SCGB2A2: variants seen among roughly 807,000 people sequenced by gnomAD.
SCGB2A2 encodes secretoglobin family 2A member 2.
In SCGB2A2, 11 loss-of-function variants were observed where a neutral mutation model predicts 8.8. The ratio of observed to expected loss-of-function variants is 1.25; its 90% CI spans 0.79 to 2.07. The LOEUF is 2.07. Ranked by LOEUF, SCGB2A2 falls within the 30% of genes most tolerant of loss-of-function variation. The pLI is 0.00. For synonymous variants in SCGB2A2, 42 were observed against 40.9 expected, an observed-to-expected ratio of 1.03 and a Z score of -0.10; for missense variants, 113 against 109.9, an observed-to-expected ratio of 1.03 and a Z score of -0.13.
At chr11:62,270,748 A>G in intron 1 of SCGB2A2, 133 bp from the exon 2 acceptor site, 1 of 691,116 alleles carries the variant, frequency 1.4e-6, no homozygotes, top group South Asian at 2.1e-5. Flanking sequence ...CAGATTTGAG[A>G]ACTCTAGATT....
At chr11:62,271,157 C>G (rs1055841591) in intron 2 of SCGB2A2, 89 bp downstream of exon 2, 2 of 1,607,372 alleles carry the variant, frequency 1.2e-6, no homozygotes, top group Non-Finnish European at 1.7e-6. Flanking sequence ...GCCAAAGCCA[C>G]TAGTGAACAA....
In SCGB2A2 at chr11:62,270,180, C is replaced by T. The variant is rs1249554752; in HGVS notation, c.-37C>T. On this transcript the variant is annotated 5_prime_UTR_variant, in exon 1 of 3. Coordinates refer to ENST00000227918, the MANE Select transcript of SCGB2A2 (RefSeq NM_002411.4). ...TCCACAGCGGCTTCCTTGATCCTTG[C>T]CACCCGCGACTGAACACCGACAGCA... is the stretch of plus-strand genomic sequence containing the variant. 6.2e-7 allele frequency: 1 copy of T among 1,609,452 alleles called. No individual in the cohort carries two copies. The highest frequency in any genetic ancestry group is 8.5e-7 in the Non-Finnish European group (1 of 1,176,072).
intron 2 of SCGB2A2, among the ~76,000 whole-genome samples, chr11:62,272,535 T>C (rs143686378): frequency 6.6e-6 from 1 of 152,254 alleles, no homozygotes; most frequent in East Asian, 1.9e-4. Context: ...CAGATCATAG[T>C]CTGCAGCTCC....
At chr11:62,271,298 A>C in intron 2 of SCGB2A2, 1 of 1,446,596 alleles carries the variant, frequency 6.9e-7, no homozygotes, top group East Asian at 2.5e-5. Flanking sequence ...GAATAGGGCA[A>C]GAGAGGAAAA....
At chr11:62,271,669 G>A (rs1945280204) in intron 2 of SCGB2A2, 1 of 992,000 alleles carries the variant, frequency 1.0e-6, no homozygotes. Flanking sequence ...TTTTCCAGAA[G>A]ACCCGCACCT....
intron 2 of SCGB2A2, chr11:62,271,534 C>G (rs1017335366): frequency 1.8e-6 from 2 of 1,138,120 alleles, no homozygotes; most frequent in Non-Finnish European, 2.2e-6. Flanking sequence ...CACCAGCACA[C>G]AATCATCCAG....
chr11:62,270,624 T>C (rs913946639), intron 1 of SCGB2A2, among the ~76,000 whole-genome samples: 1 of 152,200 alleles, frequency 6.6e-6, no homozygotes, highest in Non-Finnish European at 1.5e-5. Flanking sequence ...GTGTTTCATT[T>C]CTCAAGTCTT....
chr11:62,272,445 C>T (rs973987699), intron 2 of SCGB2A2, among the ~76,000 whole-genome samples: 1 of 152,052 alleles, frequency 6.6e-6, no homozygotes, highest in Non-Finnish European at 1.5e-5. Flanking sequence ...TACATTTTAC[C>T]ACTATTAATA....
chr11:62,272,769 A>G (rs986030904), intron 2 of SCGB2A2, among the ~76,000 whole-genome samples, 188 bp from the exon 3 acceptor site: 2 of 152,012 alleles, frequency 1.3e-5, no homozygotes, highest in African/African-American at 4.8e-5. Flanking sequence ...CACAGAAAAA[A>G]TATTTAAAAA....
In SCGB2A2 at chr11:62,271,028, A is replaced by G; in HGVS notation, c.203A>G (p.Asn68Ser). 2.5e-6 allele frequency: 4 copies of G among 1,614,224 alleles called. No homozygotes were observed. Among genetic ancestry groups the G allele is most frequent in the Non-Finnish European group, 3.4e-6 (4 of 1,180,034 alleles). Residue 68 changes from asparagine (N) to serine (S), a missense_variant, in exon 2 of 3, where the codon AAC becomes AGC. By Grantham distance (46) the Asn-to-Ser change is conservative. Transcript: ENST00000227918. ...AIDELKECFLNQTDETLSNVE... is the reference protein window; with the variant it reads ...AIDELKECFLSQTDETLSNVE... ...GATGAATTGAAGGAATGTTTTCTTA[A>G]CCAAACGGATGAAACTCTGAGCAAT...
At chr11:62,272,234 G>A (rs898355528) in intron 2 of SCGB2A2, among the ~76,000 whole-genome samples, 2 of 144,848 alleles carry the variant, frequency 1.4e-5, no homozygotes, top group Non-Finnish European at 3.0e-5. Context: ...GGGAATCTGG[G>A]GAGCCAGACT....
chr11:62,270,310 G>T, intron 1 of SCGB2A2, 39 bp downstream of exon 1: 3 of 1,596,718 alleles, frequency 1.9e-6, no homozygotes, highest in East Asian at 2.2e-5. Flanking sequence ...GGGGTTAGGG[G>T]TTGTCACTTG....
In SCGB2A2 at chr11:62,270,881, G is replaced by C; in HGVS notation, c.56G>C (p.Gly19Ala). 1 of 1,613,008 alleles carries C rather than the reference G, an allele frequency of 6.2e-7. No homozygotes were observed. Among genetic ancestry groups the C allele is most frequent in the Non-Finnish European group, 8.5e-7 (1 of 1,179,192 alleles). The change falls in exon 2 of 3, where the codon GGC (glycine) becomes GCC (alanine). Residue 19 changes from glycine to alanine, a missense_variant and splice_region_variant. Coordinates refer to ENST00000227918, the MANE Select transcript of SCGB2A2 (RefSeq NM_002411.4). ...TTGTTTCCTTGTGCATCCTTCCCAG[G>C]CTCTGGCTGCCCCTTATTGGAGAAT... is the stretch of plus-strand genomic sequence containing the variant. ...LAALSQHCYA[G>A]SGCPLLENVI...
intron 2 of SCGB2A2, chr11:62,271,751 T>C (rs764881138): frequency 5.2e-5 from 51 of 986,148 alleles, no homozygotes; most frequent in African/African-American, 7.0e-5. Context: ...AAAAATGCCC[T>C]ATTTTTCAAC....
intron 2 of SCGB2A2, chr11:62,271,598 C>G: frequency 9.6e-7 from 1 of 1,042,810 alleles, no homozygotes; most frequent in Non-Finnish European, 1.2e-6. Flanking sequence ...CACAGAGACA[C>G]ACACAAACAC....
intron 2 of SCGB2A2, chr11:62,271,745 A>T: frequency 1.0e-6 from 1 of 986,338 alleles, no homozygotes; most frequent in African/African-American, 1.7e-5. Context: ...TTCTTAAAAA[A>T]TGCCCTATTT....
chr11:62,271,153 G>A, intron 2 of SCGB2A2, 85 bp downstream of exon 2: 1 of 1,608,436 alleles, frequency 6.2e-7, no homozygotes, highest in Admixed American at 1.7e-5. Flanking sequence ...CAATGCCAAA[G>A]CCACTAGTGA....
chr11:62,272,679 C>A (rs1466925813), intron 2 of SCGB2A2, among the ~76,000 whole-genome samples: 1 of 117,096 alleles, frequency 8.5e-6, no homozygotes, highest in South Asian at 2.7e-4. Flanking sequence ...TGCATTTGAG[C>A]TAAGATTTTA....
chr11:62,273,047 A>G lies in SCGB2A2; in HGVS notation c.*52A>G, dbSNP rs17709552. The G allele has an allele frequency of 0.1, 143,559 of 1,380,452 alleles. 8,404 individuals carry two copies. Among genetic ancestry groups the G allele is most frequent in the Middle Eastern group, 0.16 (906 of 5,554 alleles). 85.5% of individuals were successfully genotyped at this position (1,380,452 alleles called of 1,614,324 possible). A position where few individuals can be genotyped will look rare whatever the true frequency, so the allele number is the denominator to read the frequency against. ...AACTGCAGGGTATGGTGAGAAACCA[A>G]CTACGGATTGCTGCAAACCACACCT... On this transcript the variant is annotated 3_prime_UTR_variant, in exon 3 of 3. Coordinates refer to ENST00000227918, the MANE Select transcript of SCGB2A2 (RefSeq NM_002411.4).
Sources: allele counts gnomAD v4.1 joint callset (sites outside exome capture counted in the v4.1 genomes callset), GRCh38; gene constraint gnomAD v4.1.1; transcripts MANE v1.5; gene names NCBI Gene and HGNC (gene_info 2026-07-23, HGNC 2026-07-21).